The following SOD2 variants were observed in gnomAD, a reference collection of about 807,000 sequenced individuals.
The protein encoded by SOD2 is superoxide dismutase [Mn], mitochondrial.
SOD2 carries 11 observed loss-of-function variants against 27.0 expected under a neutral mutation model. The observed-to-expected ratio is 0.41, with a 90% confidence interval of 0.26 to 0.67. The LOEUF (loss-of-function observed/expected upper bound fraction) is 0.67, where lower values mean the gene tolerates loss of function less well. SOD2 is among the 30% of genes least tolerant of loss of function. The pLI, the probability that SOD2 is intolerant of heterozygous loss-of-function variation, is 0.34. For missense variants in SOD2, 250 were observed against 274.5 expected (o/e 0.91, Z 0.63); for synonymous variants, 105 against 103.0 (o/e 1.02, Z -0.12).
chr6:159,744,604 T>C (rs767600845), intron 1 of SOD2, among the ~76,000 whole-genome samples: 14 of 152,258 alleles, frequency 9.2e-5, no homozygotes, highest in African/African-American at 2.2e-4. Flanking sequence ...AGAGATTGTT[T>C]AAATTTCCAC....
chr6:159,707,265 G>A (rs1371950629), intron 1 of SOD2, among the ~76,000 whole-genome samples: 1 of 152,088 alleles, frequency 6.6e-6, no homozygotes, highest in African/African-American at 2.4e-5. Context: ...AAATAACTAA[G>A]ATCAGAGCAG....
intron 1 of SOD2, among the ~76,000 whole-genome samples, chr6:159,723,228 C>T (rs1778074245): frequency 6.6e-6 from 1 of 152,224 alleles, no homozygotes; most frequent in African/African-American, 2.4e-5. Context: ...TACAGTGACA[C>T]AATTTGATGA....
upstream of SOD2, among the ~76,000 whole-genome samples, chr6:159,696,526 G>T (rs1777424193): frequency 6.6e-6 from 1 of 151,606 alleles, no homozygotes; most frequent in Non-Finnish European, 1.5e-5. Flanking sequence ...CACCATGTTG[G>T]CCAGGCTGGT....
At chr6:159,738,934 T>C in intron 1 of SOD2, 2 of 1,350,694 alleles carry the variant, frequency 1.5e-6, no homozygotes, top group Non-Finnish European at 2.1e-6. Context: ...GGTCTCATTA[T>C]AGAACTTTGT....
At chr6:159,733,890 C>CGGGCAACAA (rs1391182872) in intron 1 of SOD2, among the ~76,000 whole-genome samples, 4 of 152,122 alleles carry the variant, frequency 2.6e-5, no homozygotes, top group South Asian at 2.1e-4. Context: ...CACTCCACCC[C>CGGGCAACAA]GGGCAACAAG....
upstream of SOD2, chr6:159,727,406 A>AGGCGGGAGGCGGGAGGCGGGAGGCT (rs761734374): frequency 2.0e-6 from 1 of 491,242 alleles, no homozygotes; most frequent in African/African-American, 3.6e-5. Context: ...GGCGGGAGGC[A>AGGCGGGAGGCGGGAGGCGGGAGGCT]GTGGCGCTGG....
chr6:159,744,882 G>C (rs1020692176), intron 1 of SOD2, among the ~76,000 whole-genome samples: 2 of 152,128 alleles, frequency 1.3e-5, no homozygotes, highest in African/African-American at 4.8e-5. Flanking sequence ...TCTTCCCTAT[G>C]TTGCCCAGGC....
At chr6:159,735,128 A>G (rs910631818) in intron 1 of SOD2, among the ~76,000 whole-genome samples, 3 of 152,150 alleles carry the variant, frequency 2.0e-5, no homozygotes, top group Non-Finnish European at 2.9e-5. Flanking sequence ...TGTGACATAC[A>G]TGTGTATGTG....
intron 1 of SOD2, chr6:159,713,288 C>T: frequency 1.5e-6 from 1 of 672,650 alleles, no homozygotes; most frequent in Non-Finnish European, 2.7e-6. Context: ...ATACCCTCCA[C>T]CATAGGGACC....
At chr6:159,713,894 T>C in intron 1 of SOD2, 1 of 952,400 alleles carries the variant, frequency 1.0e-6, no homozygotes, top group Non-Finnish European at 1.7e-6. Context: ...TATTTTGCAA[T>C]CAGAGAAGTG....
At chr6:159,714,122 G>A (rs1410566677) in intron 1 of SOD2, 12 of 523,984 alleles carry the variant, frequency 2.3e-5, no homozygotes, top group Non-Finnish European at 3.5e-5. Flanking sequence ...ATAAGCAAGT[G>A]ATCACATGAG....
At chr6:159,751,004 G>A (rs1779799451) in intron 1 of SOD2, among the ~76,000 whole-genome samples, 1 of 152,238 alleles carries the variant, frequency 6.6e-6, no homozygotes, top group Non-Finnish European at 1.5e-5. Context: ...TTTCATTCAT[G>A]TGAGAATGCA....
intron 1 of SOD2, among the ~76,000 whole-genome samples, chr6:159,742,824 G>C (rs1779341548): frequency 6.6e-6 from 1 of 152,008 alleles, no homozygotes; most frequent in Non-Finnish European, 1.5e-5. Context: ...GGGAGGCCAA[G>C]GTGGGAAGAT....
At chr6:159,690,476 G>A (rs1468226190) in intron 2 of SOD2, among the ~76,000 whole-genome samples, 1 of 151,910 alleles carries the variant, frequency 6.6e-6, no homozygotes, top group East Asian at 1.9e-4. Flanking sequence ...AGGAACATAC[G>A]TAGACAATGC....
rs1779879218 is a variant in SOD2, at chr6:159,680,020, CAAGA to C, written c.*2469_*2472del. 1 of 152,142 alleles carries C rather than the reference CAAGA, an allele frequency of 6.6e-6. No homozygotes were observed. Among genetic ancestry groups the C allele is most frequent in the South Asian group, 2.1e-4 (1 of 4,832 alleles). The allele number at this position is 152,142 out of a possible 1,614,324, so 9.4% of individuals were successfully genotyped here. On this transcript the variant is annotated 3_prime_UTR_variant, in exon 5 of 5. Coordinates refer to ENST00000538183, the MANE Select transcript of SOD2 (RefSeq NM_000636.4). ...TCTTAAAATCAATCTATCCAGAAGA[CAAGA>C]AAGACAAACTTAGTGAAGGAAAGAA...
chr6:159,755,730 T>G (rs1471386935), intron 1 of SOD2: 41 of 1,251,686 alleles, frequency 3.3e-5, no homozygotes, highest in Non-Finnish European at 3.2e-5. Flanking sequence ...TTGGTTTTTT[T>G]TTGTTGTTTT....
intron 4 of SOD2, among the ~76,000 whole-genome samples, chr6:159,683,682 G>T (rs910355499): frequency 2.0e-5 from 3 of 152,166 alleles, no homozygotes; most frequent in Non-Finnish European, 4.4e-5. Context: ...TTTCCACAGG[G>T]AGAGGAAGGA....
At chr6:159,733,472 A>G (rs1583068326) in intron 1 of SOD2, among the ~76,000 whole-genome samples, 1 of 145,858 alleles carries the variant, frequency 6.9e-6, no homozygotes, top group Non-Finnish European at 1.5e-5. Context: ...ATTACAAAAA[A>G]TTAACTGGGT....
intron 1 of SOD2, chr6:159,755,760 C>CTTTTTTTTTTTT (rs1779984995): frequency 3.2e-5 from 9 of 283,670 alleles, no homozygotes; most frequent in African/African-American, 2.0e-4. Context: ...TTTTTTTTTT[C>CTTTTTTTTTTTT]TTTTCTTTTT....
Sources: gnomAD v4.1 joint callset for allele counts (sites outside exome capture counted in the v4.1 genomes callset) on GRCh38, gnomAD v4.1.1 for gene constraint, MANE v1.5 for transcripts, NCBI Gene and HGNC (gene_info 2026-07-23, HGNC 2026-07-21) for gene names.